Variants in GPI observed in about 807,000 individuals in gnomAD.
GPI encodes the protein glucose-6-phosphate isomerase.
Under a neutral mutation model 75.8 loss-of-function variants are expected in GPI, and 56 were observed. The ratio of observed to expected loss-of-function variants is 0.74; its 90% CI spans 0.60 to 0.92. The LOEUF (loss-of-function observed/expected upper bound fraction) is 0.92, where lower values mean the gene tolerates loss of function less well. Ranked by LOEUF, GPI falls within the 40% of genes least tolerant of loss-of-function variation. GPI has a pLI of 0.00. For missense variants in GPI, 638 were observed against 741.0 expected, an observed-to-expected ratio of 0.86 and a Z score of 1.61; for synonymous variants, 288 against 285.4, an observed-to-expected ratio of 1.01 and a Z score of -0.09.
intron 9 of GPI, among the ~76,000 whole-genome samples, chr19:34,382,710 C>CCCCACCCAGCATG (rs2074673532): frequency 6.6e-6 from 1 of 151,992 alleles, no homozygotes; most frequent in Non-Finnish European, 1.5e-5. Context: ...ATCGGGGTGT[C>CCCCACCCAGCATG]CTTGCTTGTC....
intron 6 of GPI, among the ~76,000 whole-genome samples, chr19:34,378,582 A>G (rs2074588328): frequency 6.6e-6 from 1 of 151,972 alleles, no homozygotes; most frequent in Admixed American, 6.6e-5. Context: ...GTTTTTATTT[A>G]TGTTCTATTT....
chr19:34,391,024 G>T (rs1050333924), intron 9 of GPI, among the ~76,000 whole-genome samples: 1 of 145,366 alleles, frequency 6.9e-6, no homozygotes, highest in African/African-American at 2.5e-5. Flanking sequence ...GAGGATATGG[G>T]TCTTCCATGT....
intron 14 of GPI, chr19:34,397,381 A>G (rs1027225240): frequency 2.0e-5 from 3 of 152,596 alleles, no homozygotes; most frequent in African/African-American, 7.2e-5. Flanking sequence ...TCTTCACTGC[A>G]GAACCAGCAA....
At chr19:34,366,324 A>G (rs986977053) in intron 1 of GPI, 21 bp from the exon 2 acceptor site, 1 of 1,494,968 alleles carries the variant, frequency 6.7e-7, no homozygotes, top group East Asian at 2.3e-5. Context: ...TGTGGTCAGC[A>G]GCATCTCCAT....
rs2074904919 is a variant in GPI, at chr19:34,393,897, T to C, written c.910-17T>C. On this transcript the variant is annotated splice_polypyrimidine_tract_variant and intron_variant, in intron 11 of 17. Coordinates refer to ENST00000356487, the MANE Select transcript of GPI (RefSeq NM_000175.5). This position sits in a 1 kb window ranked among gnomAD's most constrained non-coding sequence, Gnocchi z 4.4. The stretch of plus-strand genomic sequence containing the variant: ...CGTGCAGCTGCTCAGCTCCCACTCA[T>C]CCTGCTCCTGTTTCAGGACCAGCAC... 1 of 1,613,278 alleles carries C rather than the reference T, an allele frequency of 6.2e-7. No individual in the cohort carries two copies. Among genetic ancestry groups the C allele is most frequent in the African/African-American group, 1.3e-5 (1 of 74,956 alleles).
In GPI at chr19:34,393,777, T is replaced by C; in HGVS notation, c.909+6T>C. The C allele has an allele frequency of 1.2e-6, 2 of 1,612,784 alleles. No individual in the cohort carries two copies. Among genetic ancestry groups the C allele is most frequent in the Non-Finnish European group, 1.7e-6 (2 of 1,179,826 alleles). ...TCTCGGGGGCTCACTGGATGGTGAG[T>C]GCTGAGGCTGGTTCTCTGCCAAGTG... is the stretch of plus-strand genomic sequence containing the variant. On this transcript the variant is annotated splice_donor_region_variant and intron_variant, in intron 11 of 17. Coordinates refer to ENST00000356487, the MANE Select transcript of GPI (RefSeq NM_000175.5). This position sits in a 1 kb window ranked among gnomAD's most constrained non-coding sequence, Gnocchi z 4.4.
intron 4 of GPI, among the ~76,000 whole-genome samples, chr19:34,375,503 G>A (rs1027075307): frequency 1.3e-5 from 2 of 152,008 alleles, no homozygotes; most frequent in Admixed American, 1.3e-4. Context: ...GTTTGGGAGC[G>A]GCTTAGCTGG....
chr19:34,374,116 G>A (rs914155914), intron 4 of GPI, among the ~76,000 whole-genome samples: 3 of 145,942 alleles, frequency 2.1e-5, no homozygotes, highest in Admixed American at 6.9e-5. Flanking sequence ...ACAGGTGCCC[G>A]CCACCATGCC....
chr19:34,390,837 T>A (rs2074813603), intron 9 of GPI, among the ~76,000 whole-genome samples: 1 of 146,086 alleles, frequency 6.8e-6, no homozygotes, highest in African/African-American at 2.5e-5. Flanking sequence ...TTCCAGTGTC[T>A]GAGGAGGTAG....
rs141579625 is a variant in GPI, at chr19:34,396,303, C to T, written c.1065C>T (p.Gly355=). ...CTGGGTTTCTGTTCCTTTTCCAGGG[C>T]GACATGGAGTCCAATGGGAAATACA... ...LHRFAAYFQQ[G]DMESNGKYIT... is the part of the protein sequence containing the mutation. The change falls in exon 13 of 18, where the codon GGC becomes GGT. Residue 355 remains glycine, a splice_region_variant and synonymous_variant. Coordinates refer to ENST00000356487, the MANE Select transcript of GPI (RefSeq NM_000175.5). 121 of 1,614,086 alleles carry T rather than the reference C, an allele frequency of 7.5e-5. No individual in the cohort carries two copies. In the African/African-American group the frequency reaches 1.1e-3, roughly 15 times the overall value.
upstream of GPI, among the ~76,000 whole-genome samples, chr19:34,360,152 G>T (rs2074293643): frequency 2.0e-5 from 3 of 151,970 alleles, no homozygotes; most frequent in African/African-American, 4.8e-5. Flanking sequence ...ATTCTCCTTG[G>T]TCAGTCCCTG....
At chr19:34,399,089 C>A in intron 14 of GPI, 118 bp from the exon 15 acceptor site, 1 of 869,854 alleles carries the variant, frequency 1.1e-6, no homozygotes, top group Non-Finnish European at 1.8e-6. Flanking sequence ...TCCAACTGAG[C>A]TGTACAGCGA....
chr19:34,396,344 C>G lies in GPI; in HGVS notation c.1106C>G (p.Thr369Ser), dbSNP rs1328528929. Residue 369 changes from threonine (T) to serine (S), a missense_variant, in exon 13 of 18, where the codon ACC becomes AGC. By Grantham distance (58) the Thr-to-Ser change is moderately conservative. Coordinates refer to ENST00000356487, the MANE Select transcript of GPI (RefSeq NM_000175.5). ...SNGKYITKSG[T>S]RVDHQTGPIV... is the part of the protein sequence containing the mutation. ...GGGAAATACATCACCAAATCTGGAA[C>G]CCGTGTGGACCACCAGACAGGCCCC... The G allele has an allele frequency of 1.9e-6, 3 of 1,614,176 alleles. No individual in the cohort carries two copies. The East Asian group carries it at 6.7e-5, about 36-fold the overall frequency.
upstream of GPI, among the ~76,000 whole-genome samples, chr19:34,360,514 G>A (rs2074295793): frequency 1.3e-5 from 2 of 152,222 alleles, no homozygotes; most frequent in South Asian, 4.1e-4. Context: ...TGAGAGAATC[G>A]CTTGAGCCCA....
At chr19:34,381,837 A>G (rs531712601) in intron 9 of GPI, among the ~76,000 whole-genome samples, 3 of 152,308 alleles carry the variant, frequency 2.0e-5, no homozygotes, top group African/African-American at 7.2e-5. Context: ...AGTTATTCTC[A>G]GTGATGACCT....
chr19:34,373,800 C>T (rs1473450983), intron 4 of GPI, among the ~76,000 whole-genome samples: 1 of 152,070 alleles, frequency 6.6e-6, no homozygotes, highest in African/African-American at 2.4e-5. Context: ...GGAGGGTCTG[C>T]TTTGAAGATG....
At chr19:34,372,920 C>A (rs2074477299) in intron 4 of GPI, among the ~76,000 whole-genome samples, 1 of 151,904 alleles carries the variant, frequency 6.6e-6, no homozygotes, top group African/African-American at 2.4e-5. Context: ...ATTACAGGTA[C>A]CTGCCACCAC....
In GPI at chr19:34,385,371, A is replaced by G. The variant is rs558350868; in HGVS notation, c.804+3852A>G. 2.6e-5 allele frequency among the ~76,000 whole-genome samples: 4 copies of G among 152,098 alleles called. No homozygotes were observed. In the South Asian group the frequency reaches 8.3e-4, roughly 32 times the overall value. On this transcript the variant is annotated intron_variant, in intron 9 of 17. Transcript: ENST00000356487. ...TCTCAAACAAAAAACAAAAAAAAAA[A>G]AAAAAGAAAAAAGATGGGTGGGTAG... is the stretch of plus-strand genomic sequence containing the variant.
upstream of GPI, among the ~76,000 whole-genome samples, chr19:34,364,024 C>A (rs1049881846): frequency 3.3e-5 from 5 of 151,938 alleles, no homozygotes; most frequent in African/African-American, 9.6e-5. Flanking sequence ...TCCCTATTTT[C>A]TTTTCTTTTC....
Sources: gnomAD v4.1 joint callset for allele counts (sites outside exome capture counted in the v4.1 genomes callset) on GRCh38, gnomAD v4.1.1 for gene constraint, Gnocchi (gnomAD v3.1) non-coding constraint, MANE v1.5 for transcripts, NCBI Gene and HGNC (gene_info 2026-07-23, HGNC 2026-07-21) for gene names.